TBCD: variants seen among roughly 807,000 people sequenced by gnomAD.
TBCD encodes tubulin-specific chaperone D.
In TBCD, 105 loss-of-function variants were observed where a neutral mutation model predicts 169.3. That is an observed-to-expected ratio of 0.62 (90% CI 0.53 to 0.73). TBCD has a LOEUF of 0.73. Ranked by LOEUF, TBCD falls within the 30% of genes least tolerant of loss-of-function variation. The pLI is 0.00. For missense variants in TBCD, 1,444 were observed against 1,600.1 expected (o/e 0.90, Z 1.66); for synonymous variants, 700 against 643.9 (o/e 1.09, Z -1.32).
intron 16 of TBCD, chr17:82,893,333 A>G (rs958008994): frequency 7.1e-6 from 4 of 560,034 alleles, no homozygotes; most frequent in Non-Finnish European, 1.3e-5. Context: ...GGTTTCAATG[A>G]TTTAGCGTGG....
intron 14 of TBCD, among the ~76,000 whole-genome samples, chr17:82,879,979 C>G (rs2058246515): frequency 6.6e-6 from 1 of 151,984 alleles, no homozygotes; most frequent in South Asian, 2.1e-4. Context: ...TCTGGAGGCT[C>G]AGGGGGGCTC....
At chr17:82,779,744 G>A (rs1045323521) in intron 6 of TBCD, among the ~76,000 whole-genome samples, 1 of 152,174 alleles carries the variant, frequency 6.6e-6, no homozygotes, top group East Asian at 1.9e-4. Flanking sequence ...TGGGATGGCC[G>A]GAGTTGAAGT....
chr17:82,805,778 C>A, intron 9 of TBCD, 97 bp from the exon 10 acceptor site: 1 of 1,415,116 alleles, frequency 7.1e-7, no homozygotes, highest in Non-Finnish European at 9.6e-7. Flanking sequence ...TTTTCACAGG[C>A]ACGCTTTAAG....
intron 14 of TBCD, among the ~76,000 whole-genome samples, chr17:82,873,794 C>T (rs1356220277): frequency 6.6e-6 from 1 of 152,192 alleles, no homozygotes; most frequent in Non-Finnish European, 1.5e-5. Context: ...AGGTTGGCGC[C>T]GCTCGGTGGC....
At chr17:82,826,781 A>G (rs1416063860) in intron 13 of TBCD, among the ~76,000 whole-genome samples, 1 of 148,034 alleles carries the variant, frequency 6.8e-6, no homozygotes, top group Non-Finnish European at 1.5e-5. Context: ...CTTTTTATTT[A>G]TGTATTTTTT....
intron 13 of TBCD, among the ~76,000 whole-genome samples, chr17:82,824,404 C>G (rs917204593): frequency 2.6e-5 from 4 of 152,054 alleles, no homozygotes; most frequent in African/African-American, 9.7e-5. Flanking sequence ...AGGATGGTCT[C>G]GATCTCCTGA....
intron 6 of TBCD, among the ~76,000 whole-genome samples, chr17:82,779,757 C>A (rs1231351264): frequency 6.6e-6 from 1 of 152,128 alleles, no homozygotes; most frequent in African/African-American, 2.4e-5. Flanking sequence ...GTTGAAGTTG[C>A]AGTGGAGATG....
chr17:82,763,481 C>T (rs1012549615), intron 2 of TBCD, among the ~76,000 whole-genome samples: 1 of 152,154 alleles, frequency 6.6e-6, no homozygotes, highest in Non-Finnish European at 1.5e-5. Flanking sequence ...GGGCTCACAC[C>T]TGTAATCCCA....
chr17:82,930,310 G>A lies in TBCD; in HGVS notation c.2992-212G>A. ...CCTAAGTGAGGGCTCAGGCTGAGCT[G>A]CCGTTGCCGAGAGCCTTGTGTCTGC... On this transcript the variant is annotated intron_variant, in intron 32 of 38. Coordinates refer to ENST00000355528, the MANE Select transcript of TBCD (RefSeq NM_005993.5). The surrounding 1 kb of genome is among the most constrained non-coding windows in gnomAD (Gnocchi z 5.2). The A allele has an allele frequency of 1.6e-6, 1 of 611,658 alleles. No individual in the cohort carries two copies. The highest frequency in any genetic ancestry group is 2.8e-6 in the Non-Finnish European group (1 of 360,716). 37.9% of individuals were successfully genotyped at this position (611,658 alleles called of 1,614,324 possible).
intron 34 of TBCD, among the ~76,000 whole-genome samples, chr17:82,934,093 G>A (rs2062430876): frequency 6.6e-6 from 1 of 152,232 alleles, no homozygotes; most frequent in African/African-American, 2.4e-5. Flanking sequence ...CTCGTACTCA[G>A]GTACTGGCTG....
At position 82,888,941 on chromosome 17, in the gene TBCD, TC is replaced by T. The variant is rs143596714; in HGVS notation, c.1534-725del. The stretch of plus-strand genomic sequence containing the variant: ...GCCGTGGGTGCACTTTGCTGGGTCT[TC>T]CTGGGACACTGAAGTCTCCTGTGTC... On this transcript the variant is annotated intron_variant, in intron 15 of 38. Transcript: ENST00000355528. Among the ~76,000 whole-genome samples, 1,135 of 152,244 alleles carry T rather than the reference TC, an allele frequency of 7.5e-3. 13 individuals carry two copies. The highest frequency in any genetic ancestry group is 0.026 in the African/African-American group (1,081 of 41,530).
At chr17:82,929,708 G>C in intron 32 of TBCD, 1 of 712,536 alleles carries the variant, frequency 1.4e-6, no homozygotes, top group Non-Finnish European at 2.4e-6. Flanking sequence ...GTCTGATGAA[G>C]GTGGGACAGG....
rs898850065 is a variant in TBCD, at chr17:82,832,084, C to T, written c.1318+17150C>T. 1.9e-6 allele frequency: 3 copies of T among 1,614,048 alleles called. No individual in the cohort carries two copies. Among genetic ancestry groups the T allele is most frequent in the African/African-American group, 2.7e-5 (2 of 74,930 alleles). On this transcript the variant is annotated intron_variant, in intron 13 of 38. Coordinates refer to ENST00000355528, the MANE Select transcript of TBCD (RefSeq NM_005993.5). This position sits in a 1 kb window ranked among gnomAD's most constrained non-coding sequence, Gnocchi z 4.9. ...GAGGGCTGGCTTCTGTCCCAGGCAC[C>T]TGTGGGTTCCCCGGGCTTGCAGCTC...
chr17:82,792,097 C>T (rs531697668), intron 7 of TBCD, among the ~76,000 whole-genome samples: 10 of 152,326 alleles, frequency 6.6e-5, no homozygotes, highest in African/African-American at 2.2e-4. Context: ...ATCACGAGGT[C>T]AAGAGATCGA....
intron 9 of TBCD, among the ~76,000 whole-genome samples, chr17:82,803,848 G>T (rs1325955977): frequency 6.6e-6 from 1 of 151,712 alleles, no homozygotes; most frequent in Non-Finnish European, 1.5e-5. Flanking sequence ...CGGCTGGGGT[G>T]CACCGGTCTG....
At chr17:82,907,669 G>T (rs2060345764) in intron 20 of TBCD, 92 bp from the exon 21 acceptor site, 2 of 1,409,660 alleles carry the variant, frequency 1.4e-6, no homozygotes, top group South Asian at 1.2e-5. Flanking sequence ...TGGGGTTAGG[G>T]TCTTGGGGAG....
In TBCD at chr17:82,831,176, A is replaced by G; in HGVS notation, c.1318+16242A>G. ...TTGGAGAGGTCGTACAGGCCTTCGC[A>G]GGTCTGGCTCGTCTGCATGAAGTCG... is the stretch of plus-strand genomic sequence containing the variant. On this transcript the variant is annotated intron_variant, in intron 13 of 38. Coordinates refer to ENST00000355528, the MANE Select transcript of TBCD (RefSeq NM_005993.5). The surrounding 1 kb of genome is among the most constrained non-coding windows in gnomAD (Gnocchi z 4.6). 6.2e-7 allele frequency: 1 copy of G among 1,614,064 alleles called. No homozygotes were observed. The highest frequency in any genetic ancestry group is 8.5e-7 in the Non-Finnish European group (1 of 1,180,012).
At chr17:82,810,240 T>C (rs2051330731) in intron 12 of TBCD, among the ~76,000 whole-genome samples, 1 of 152,228 alleles carries the variant, frequency 6.6e-6, no homozygotes, top group East Asian at 1.9e-4. Context: ...GAGGACGGCT[T>C]GAGCCTGTGA....
intron 35 of TBCD, chr17:82,937,846 T>C (rs1342603405): frequency 1.3e-6 from 2 of 1,494,652 alleles, no homozygotes; most frequent in South Asian, 1.3e-5. Flanking sequence ...CTTCCCACAG[T>C]GACTTTCCAA....
Sources: allele counts gnomAD v4.1 joint callset (sites outside exome capture counted in the v4.1 genomes callset), GRCh38; gene constraint gnomAD v4.1.1; non-coding constraint Gnocchi (gnomAD v3.1); transcripts MANE v1.5; gene names NCBI Gene and HGNC (gene_info 2026-07-23, HGNC 2026-07-21).